Variants in PDE3B observed in about 807,000 individuals in gnomAD.
PDE3B encodes cGMP-inhibited 3',5'-cyclic phosphodiesterase 3B.
PDE3B carries 66 observed loss-of-function variants against 116.8 expected under a neutral mutation model. The observed-to-expected ratio is 0.56, with a 90% CI of 0.46 to 0.69. The LOEUF (loss-of-function observed/expected upper bound fraction) is 0.69, where lower values mean the gene tolerates loss of function less well. PDE3B is among the 30% of genes least tolerant of loss of function. The pLI is 0.00. For synonymous variants in PDE3B, 595 were observed against 533.6 expected (o/e 1.12, Z -1.59); for missense variants, 1,384 against 1,368.1 (o/e 1.01, Z -0.18).
rs782186875 is a variant in PDE3B at position 14,869,686 on chromosome 11, A to G, written c.*26A>G. The G allele has an allele frequency of 3.1e-5, 50 of 1,590,006 alleles. No individual in the cohort carries two copies. Among genetic ancestry groups the G allele is most frequent in the African/African-American group, 1.3e-5 (1 of 74,346 alleles). On this transcript the variant is annotated 3_prime_UTR_variant, in exon 16 of 16. Transcript: ENST00000282096. ...CGACAGTTTGAGTAAAAGAAAAGTCATATTGAAGAAGCCCAGAGGGTTGTG... is the reference window on the plus strand; with the variant it reads ...CGACAGTTTGAGTAAAAGAAAAGTCGTATTGAAGAAGCCCAGAGGGTTGTG...
chr11:14,830,022 A>G (rs1236454218), intron 7 of PDE3B, among the ~76,000 whole-genome samples: 3 of 152,068 alleles, frequency 2.0e-5, no homozygotes, highest in Non-Finnish European at 2.9e-5. Flanking sequence ...TTCACTAAAC[A>G]TTATATTTTT....
the PDE3B span, among the ~76,000 whole-genome samples, chr11:14,884,041 G>T: frequency 6.6e-6 from 1 of 152,058 alleles, no homozygotes; most frequent in Admixed American, 6.5e-5. Context: ...ACAGGTGCTG[G>T]AGAGGATGTG....
At position 14,843,880 on chromosome 11, in the gene PDE3B, T is replaced by C. The variant is rs1350442610; in HGVS notation, c.2374T>C (p.Cys792Arg). Residue 792 changes from cysteine to arginine, a missense_variant, in exon 12 of 16, where the codon TGC becomes CGC. This residue lies in a region of PDE3B where 428 missense variants were observed against 561.4 expected (regional missense o/e 0.76). Transcript: ENST00000282096. The part of the protein sequence containing the change: ...GRIAYISSKS[C>R]SNPDESYGCL... ...AATTGCTTATATTTCTTCGAAGAGC[T>C]GCTCTAATCCTGATGAGAGTTATGG... is the stretch of plus-strand genomic sequence containing the variant. 2.4e-5 allele frequency: 38 copies of C among 1,613,986 alleles called. No homozygotes were observed. In the Admixed American group the frequency reaches 3.0e-4, roughly 13 times the overall value.
chr11:14,887,347 T>C, the PDE3B span: 1 of 152,656 alleles, frequency 6.6e-6, no homozygotes, highest in East Asian at 1.9e-4. Flanking sequence ...TGTTACACAA[T>C]CCACCTTTAC....
At chr11:14,874,833 A>G (rs1265051352), downstream of PDE3B, among the ~76,000 whole-genome samples, 2 of 152,162 alleles carry the variant, frequency 1.3e-5, no homozygotes, top group East Asian at 1.9e-4. Flanking sequence ...TCTTAGTTCT[A>G]TAATTAAATG....
intron 1 of PDE3B, among the ~76,000 whole-genome samples, chr11:14,646,963 C>T (rs1853427022): frequency 6.6e-6 from 1 of 151,988 alleles, no homozygotes; most frequent in South Asian, 2.1e-4. Flanking sequence ...TTATACATGC[C>T]TACCTAATAT....
At chr11:14,653,271 T>A (rs1484747868) in intron 1 of PDE3B, among the ~76,000 whole-genome samples, 2 of 152,116 alleles carry the variant, frequency 1.3e-5, no homozygotes, top group Admixed American at 6.5e-5. Flanking sequence ...TGGCCTCAGG[T>A]TGGCAATGTT....
intron 14 of PDE3B, among the ~76,000 whole-genome samples, chr11:14,865,986 G>A (rs1848036635): frequency 6.6e-6 from 1 of 152,126 alleles, no homozygotes; most frequent in Non-Finnish European, 1.5e-5. Context: ...GCCTGAGGTT[G>A]AATCCTGGCT....
In PDE3B at chr11:14,643,875, C is replaced by T. The variant is rs1853267705; in HGVS notation, c.-201C>T. 5 of 703,294 alleles carry T rather than the reference C, an allele frequency of 7.1e-6. No individual in the cohort carries two copies. In the Admixed American group the frequency reaches 1.2e-4, roughly 17 times the overall value. 43.6% of individuals were successfully genotyped at this position (703,294 alleles called of 1,614,324 possible). A position where few individuals can be genotyped will look rare whatever the true frequency, so the allele number is the denominator to read the frequency against. On this transcript the variant is annotated 5_prime_UTR_variant, in exon 1 of 16. Transcript: ENST00000282096. ...TCCTGGAGAGAAGCCCCTTCCGCCC[C>T]TCTCCTCAGCCAGCATGTCCCGGAC...
At chr11:14,764,729 G>T (rs1403955714) in intron 1 of PDE3B, among the ~76,000 whole-genome samples, 2 of 152,000 alleles carry the variant, frequency 1.3e-5, no homozygotes, top group East Asian at 1.9e-4. Context: ...AAAAGGGACA[G>T]TGTATATTAA....
intron 2 of PDE3B, among the ~76,000 whole-genome samples, chr11:14,779,876 A>G (rs1857923701): frequency 6.6e-6 from 1 of 152,092 alleles, no homozygotes; most frequent in Non-Finnish European, 1.5e-5. Context: ...AGACTGGCAA[A>G]TTGGATAGAG....
At chr11:14,837,255 A>G (rs1565158520) in intron 11 of PDE3B, among the ~76,000 whole-genome samples, 1 of 151,972 alleles carries the variant, frequency 6.6e-6, no homozygotes, top group African/African-American at 2.4e-5. Flanking sequence ...ACTGACAGTG[A>G]CTCTCTTAAT....
chr11:14,898,685 C>G, the PDE3B span, among the ~76,000 whole-genome samples: 1 of 152,124 alleles, frequency 6.6e-6, no homozygotes, highest in African/African-American at 2.4e-5. Flanking sequence ...TGTACTGACT[C>G]CTGGGGCTAT....
intron 1 of PDE3B, among the ~76,000 whole-genome samples, chr11:14,746,487 G>A (rs951209876): frequency 5.3e-5 from 8 of 152,198 alleles, no homozygotes; most frequent in East Asian, 1.9e-4. Context: ...ATTTGATGCT[G>A]TAAAGGCTTC....
chr11:14,811,306 A>G (rs1859121249), intron 5 of PDE3B, among the ~76,000 whole-genome samples: 1 of 152,172 alleles, frequency 6.6e-6, no homozygotes, highest in African/African-American at 2.4e-5. Flanking sequence ...TTTTAGGTCT[A>G]ACGTTTAAGT....
At chr11:14,811,384 T>C (rs188719842) in intron 5 of PDE3B, among the ~76,000 whole-genome samples, 2 of 152,248 alleles carry the variant, frequency 1.3e-5, no homozygotes, top group Admixed American at 6.5e-5. Flanking sequence ...GCTTTGTACA[T>C]ATGGCTAGCG....
Position 14,730,918 on chromosome 11 carries a change from TAGAG to T in PDE3B, c.979-41016_979-41013del, listed in dbSNP as rs552417931. 7.9e-3 allele frequency among the ~76,000 whole-genome samples: 1,198 copies of T among 152,282 alleles called. 5 individuals are homozygous for T. The highest frequency in any genetic ancestry group is 0.017 in the Middle Eastern group (5 of 294). On this transcript the variant is annotated intron_variant, in intron 1 of 15. Transcript: ENST00000282096. ...TTTTAGATATGATAAAACTGAATCATAGAGAGGTTAAGTAGCTCAAGACTTTTAA... is the reference window on the plus strand; with the variant it reads ...TTTTAGATATGATAAAACTGAATCATAGGTTAAGTAGCTCAAGACTTTTAA...
chr11:14,813,870 A>G (rs1359339179), intron 5 of PDE3B, among the ~76,000 whole-genome samples: 1 of 152,184 alleles, frequency 6.6e-6, no homozygotes, highest in Non-Finnish European at 1.5e-5. Flanking sequence ...CCTAAACAAA[A>G]AGTTACACAT....
At chr11:14,731,479 C>G (rs111504260) in intron 1 of PDE3B, among the ~76,000 whole-genome samples, 1,848 of 151,986 alleles carry the variant, frequency 0.012, 38 homozygotes, top group African/African-American at 0.042. Context: ...AGGATGGTCT[C>G]GATCTCCTGA....
Sources: gnomAD v4.1 joint callset for allele counts (sites outside exome capture counted in the v4.1 genomes callset) on GRCh38, gnomAD v4.1.1 for gene constraint, gnomAD v4.1.1 regional missense constraint, MANE v1.5 for transcripts, NCBI Gene and HGNC (gene_info 2026-07-23, HGNC 2026-07-21) for gene names.